The following KCNMA1 variants were observed in gnomAD, a reference collection of about 807,000 sequenced individuals.
The protein encoded by KCNMA1 is potassium calcium-activated channel subfamily M alpha 1, also known as Calcium-activated potassium channel subunit alpha-1.
KCNMA1 carries 29 observed loss-of-function variants against 140.0 expected under a neutral mutation model. That is an observed-to-expected ratio of 0.21 (90% CI 0.15 to 0.28). The LOEUF (loss-of-function observed/expected upper bound fraction) is 0.28. KCNMA1 is among the 10% of genes least tolerant of loss of function. KCNMA1 has a pLI of 1.00. For synonymous variants in KCNMA1, 612 were observed against 611.9 expected (o/e 1.00, Z 0.00); for missense variants, 880 against 1,602.2 (o/e 0.55, Z 7.70).
chr10:77,587,471 C>A (rs1396704603), intron 1 of KCNMA1, among the ~76,000 whole-genome samples: 1 of 152,156 alleles, frequency 6.6e-6, no homozygotes, highest in Non-Finnish European at 1.5e-5. Context: ...GCCTGCACTT[C>A]TATGGCTTTG....
At chr10:77,181,166 G>C (rs2098799730) in intron 5 of KCNMA1, among the ~76,000 whole-genome samples, 1 of 152,152 alleles carries the variant, frequency 6.6e-6, no homozygotes, top group Non-Finnish European at 1.5e-5. Context: ...GCAGATTCAT[G>C]AAGTGTGAGG....
rs576520782 is a variant in KCNMA1 at position 76,915,127 on chromosome 10, A to G, written c.2903-78T>C. The G allele has an allele frequency of 9.7e-4, 893 of 922,116 alleles. 19 individuals carry two copies. The South Asian group carries it at 0.011, about 12-fold the overall frequency. 57.1% of individuals were successfully genotyped at this position (922,116 alleles called of 1,614,324 possible). On this transcript the variant is annotated intron_variant, in intron 23 of 27. Transcript: ENST00000286628. The stretch of plus-strand genomic sequence containing the variant: ...GAAATAATCAGAGTACACTATATAC[A>G]TACAACCCCAAAAATGTAGCTTATG...
chr10:77,258,912 G>A (rs1204637160), intron 2 of KCNMA1, among the ~76,000 whole-genome samples: 1 of 152,082 alleles, frequency 6.6e-6, no homozygotes, highest in Admixed American at 6.6e-5. Context: ...TCAGCAAGCC[G>A]AGATAACGCC....
intron 2 of KCNMA1, among the ~76,000 whole-genome samples, chr10:77,334,185 A>G (rs1037867503): frequency 6.6e-6 from 1 of 152,150 alleles, no homozygotes; most frequent in African/African-American, 2.4e-5. Flanking sequence ...TCCAAAGGGC[A>G]TGGATTTTTA....
intron 1 of KCNMA1, among the ~76,000 whole-genome samples, chr10:77,509,934 G>A (rs2047737409): frequency 6.6e-6 from 1 of 151,966 alleles, no homozygotes; most frequent in African/African-American, 2.4e-5. Flanking sequence ...TATGGCAAGT[G>A]GAGTGCAAGA....
intron 8 of KCNMA1, among the ~76,000 whole-genome samples, chr10:77,109,159 A>G (rs1329763449): frequency 2.6e-5 from 4 of 152,154 alleles, no homozygotes. Flanking sequence ...GTTTTGTCCA[A>G]CAAACATCTG....
intron 25 of KCNMA1, among the ~76,000 whole-genome samples, chr10:76,899,533 T>C (rs942310768): frequency 6.6e-6 from 1 of 152,152 alleles, no homozygotes; most frequent in East Asian, 1.9e-4. Flanking sequence ...GACCCAGCCA[T>C]GTCCATTTGT....
chr10:77,285,055 T>C (rs1011983663), intron 2 of KCNMA1, among the ~76,000 whole-genome samples: 2 of 152,234 alleles, frequency 1.3e-5, no homozygotes, highest in African/African-American at 4.8e-5. Context: ...ATTAACAGTT[T>C]GTAAAATGAG....
intron 2 of KCNMA1, among the ~76,000 whole-genome samples, chr10:77,394,597 T>C (rs1312432638): frequency 1.3e-5 from 2 of 152,232 alleles, no homozygotes; most frequent in African/African-American, 4.8e-5. Flanking sequence ...GAAATCCATA[T>C]GTTCACCCCA....
In KCNMA1 at chr10:77,378,337, G is replaced by A. The variant is rs1416644768; in HGVS notation, c.540+25525C>T. Among the ~76,000 whole-genome samples, 5 of 152,336 alleles carry A rather than the reference G, an allele frequency of 3.3e-5. No individual in the cohort carries two copies. In the East Asian group the frequency reaches 9.6e-4, roughly 29 times the overall value. ...GTCGCAAAAGTGTCTGAGTTCTGGA[G>A]CAAAGGCTCAGCTAGGAAAAGTTTC... On this transcript the variant is annotated intron_variant, in intron 2 of 27. Coordinates refer to ENST00000286628, the MANE Select transcript of KCNMA1 (RefSeq NM_001161352.2).
At chr10:77,511,559 A>G (rs1354531247) in intron 1 of KCNMA1, among the ~76,000 whole-genome samples, 2 of 152,212 alleles carry the variant, frequency 1.3e-5, no homozygotes, top group African/African-American at 4.8e-5. Flanking sequence ...TAAGGGAGAG[A>G]AAATCATGGC....
chr10:77,067,681 T>C (rs2096010719), intron 14 of KCNMA1, among the ~76,000 whole-genome samples: 1 of 152,212 alleles, frequency 6.6e-6, no homozygotes, highest in Non-Finnish European at 1.5e-5. Flanking sequence ...CTTGGGAGCC[T>C]AGTTCATTCC....
At chr10:77,244,416 C>T (rs895957941) in intron 3 of KCNMA1, among the ~76,000 whole-genome samples, 3 of 152,180 alleles carry the variant, frequency 2.0e-5, no homozygotes, top group Admixed American at 2.0e-4. Flanking sequence ...ATAAGCAGTT[C>T]CCTTAATGCT....
intron 23 of KCNMA1, among the ~76,000 whole-genome samples, chr10:76,929,159 G>C (rs539391459): frequency 6.6e-6 from 1 of 152,078 alleles, no homozygotes; most frequent in Non-Finnish European, 1.5e-5. Flanking sequence ...ATATGGAATA[G>C]ACCCATATAA....
In KCNMA1 at chr10:77,438,065, A is replaced by AT. The variant is rs541904182; in HGVS notation, c.379-34043dup. 6.4e-3 allele frequency among the ~76,000 whole-genome samples: 976 copies of AT among 151,886 alleles called. 10 individuals are homozygous for AT. The highest frequency in any genetic ancestry group is 0.054 in the Middle Eastern group (16 of 294). ...TTTTTAAATGTTTGGTTTAATTTTA[A>AT]TTTTTTTTGTTTTTAGAGATGGGAT... On this transcript the variant is annotated intron_variant, in intron 1 of 27. Coordinates refer to ENST00000286628, the MANE Select transcript of KCNMA1 (RefSeq NM_001161352.2).
At chr10:77,581,255 G>A (rs2075780019) in intron 1 of KCNMA1, among the ~76,000 whole-genome samples, 2 of 151,940 alleles carry the variant, frequency 1.3e-5, no homozygotes, top group East Asian at 3.9e-4. Flanking sequence ...TTGATTCCAG[G>A]CTGCTAAAAG....
chr10:77,283,011 C>T (rs1159153619), intron 2 of KCNMA1, among the ~76,000 whole-genome samples: 1 of 152,198 alleles, frequency 6.6e-6, no homozygotes, highest in African/African-American at 2.4e-5. Context: ...CCAGTGAAGG[C>T]CAACCTTCGT....
chr10:77,415,216 C>G (rs2096713698), intron 1 of KCNMA1, among the ~76,000 whole-genome samples: 1 of 152,226 alleles, frequency 6.6e-6, no homozygotes, highest in Non-Finnish European at 1.5e-5. Context: ...TCCAAACTTT[C>G]AGGGCTAATA....
At chr10:77,178,201 TA>T (rs1328747048) in intron 5 of KCNMA1, among the ~76,000 whole-genome samples, 1 of 152,154 alleles carries the variant, frequency 6.6e-6, no homozygotes, top group African/African-American at 2.4e-5. Context: ...CATGGTCCCT[TA>T]TCATATGCCG....
Sources: gnomAD v4.1 joint callset for allele counts (sites outside exome capture counted in the v4.1 genomes callset) on GRCh38, gnomAD v4.1.1 for gene constraint, MANE v1.5 for transcripts, NCBI Gene and HGNC (gene_info 2026-07-23, HGNC 2026-07-21) for gene names.